SCARF2: variants seen among roughly 807,000 people sequenced by gnomAD.
SCARF2 encodes the protein scavenger receptor expressed by endothelial cells 2 protein.
Under a neutral mutation model 73.4 loss-of-function variants are expected in SCARF2, and 39 were observed. The observed-to-expected ratio is 0.53, with a 90% CI of 0.41 to 0.69. The LOEUF is 0.69. Among genes scored for constraint, SCARF2 ranks in the 30% least tolerant of loss-of-function variants. The pLI is 0.00. For missense variants in SCARF2, 1,148 were observed against 1,303.5 expected (o/e 0.88, Z 1.84); for synonymous variants, 605 against 590.0 (o/e 1.03, Z -0.37).
At position 20,427,448 on chromosome 22, in the gene SCARF2, GAGA is replaced by G; in HGVS notation, c.1640_1642del (p.Phe547del). 1.2e-6 allele frequency: 2 copies of G among 1,614,214 alleles called. No individual in the cohort carries two copies. The highest frequency in any genetic ancestry group is 2.2e-5 in the East Asian group (1 of 44,890). On this transcript the variant is annotated inframe_deletion, in exon 10 of 11. Coordinates refer to ENST00000622235, the MANE Select transcript of SCARF2 (RefSeq NM_182895.5). ...GCCTTCATCAGTGGTGTCAAACGAG[GAGA>G]AGGAGGCCCGAGAGGACCAGGATGG... is the stretch of plus-strand genomic sequence containing the variant.
rs1173953211 is a variant in SCARF2 at position 20,425,924 on chromosome 22, C to T, written c.2052G>A (p.Pro684=). The part of the protein sequence containing the change: ...AAAAGRAPSP[P]PPGSEAAPSP... ...TGGGCGCGGCCTCGGAGCCTGGCGG[C>T]GGTGGTGAGGGCGCACGGCCAGCTG... The change falls in exon 11 of 11, where the codon CCG becomes CCA. Residue 684 remains proline (P), a synonymous_variant. Coordinates refer to ENST00000622235, the MANE Select transcript of SCARF2 (RefSeq NM_182895.5). This position sits in a 1 kb window ranked among gnomAD's most constrained non-coding sequence, Gnocchi z 4.6. 3.8e-6 allele frequency: 6 copies of T among 1,596,956 alleles called. No homozygotes were observed. The highest frequency in any genetic ancestry group is 1.1e-5 in the South Asian group (1 of 89,484).
At chr22:20,433,442 C>T (rs750413480) in intron 1 of SCARF2, among the ~76,000 whole-genome samples, 4 of 152,248 alleles carry the variant, frequency 2.6e-5, no homozygotes, top group East Asian at 1.9e-4. Context: ...AAGACCCTAG[C>T]GGGATGGGAT....
chr22:20,425,717 G>T lies in SCARF2; in HGVS notation c.2259C>A (p.Pro753=). ...TTCGCGGGGGACCGCCGGCGTCCGT[G>T]GGCTCCAAGAGGCCGGGGCCGCGGC... The part of the protein sequence containing the change: ...ARGRGPGLLE[P]TDAGGPPRSA... The change falls in exon 11 of 11, where the codon CCC becomes CCA. Residue 753 remains proline, a synonymous_variant. Coordinates refer to ENST00000622235, the MANE Select transcript of SCARF2 (RefSeq NM_182895.5). The surrounding 1 kb of genome is among the most constrained non-coding windows in gnomAD (Gnocchi z 4.6). The T allele has an allele frequency of 8.2e-7, 1 of 1,226,980 alleles. No homozygotes were observed. The highest frequency in any genetic ancestry group is 4.0e-5 in the South Asian group (1 of 25,262). 76.0% of individuals were successfully genotyped at this position (1,226,980 alleles called of 1,614,324 possible). A position where few individuals can be genotyped will look rare whatever the true frequency, so the allele number is the denominator to read the frequency against.
At position 20,425,392 on chromosome 22, in the gene SCARF2, C is replaced by A; in HGVS notation, c.2584G>T (p.Gly862Cys). ...ACAGCCTGCTACAGGGTGGGTGCGC[C>A]CGCCCTGCCCAGCTCGCCCGCCGCC... ...REAAGELGRA[G>C]APTL Residue 862 changes from glycine (G) to cysteine (C), a missense_variant, in exon 11 of 11, where the codon GGC (glycine) becomes TGC (cysteine). Coordinates refer to ENST00000622235, the MANE Select transcript of SCARF2 (RefSeq NM_182895.5). The surrounding 1 kb of genome is among the most constrained non-coding windows in gnomAD (Gnocchi z 4.6). The A allele has an allele frequency of 7.0e-7, 1 of 1,423,914 alleles. No homozygotes were observed. The highest frequency in any genetic ancestry group is 1.4e-5 in the South Asian group (1 of 69,862). The allele number at this position is 1,423,914 out of a possible 1,614,324, so 88.2% of individuals were successfully genotyped here.
In SCARF2 at chr22:20,430,574, G is replaced by C; in HGVS notation, c.1074-17C>G. 1.2e-6 allele frequency: 2 copies of C among 1,612,036 alleles called. No individual in the cohort carries two copies. The highest frequency in any genetic ancestry group is 1.7e-6 in the Non-Finnish European group (2 of 1,179,402). The stretch of plus-strand genomic sequence containing the variant: ...GTCTCGCACCTTGGAAAGAGGGGAG[G>C]AGGCGTCAGCAGAAATGGAGGCAAA... On this transcript the variant is annotated splice_polypyrimidine_tract_variant and intron_variant, in intron 5 of 10. Transcript: ENST00000622235.
At chr22:20,437,237 G>A (rs2052710382) in intron 1 of SCARF2, among the ~76,000 whole-genome samples, 1 of 152,218 alleles carries the variant, frequency 6.6e-6, no homozygotes. Flanking sequence ...CAGTTCCTTT[G>A]GCTTGAATGC....
Position 20,425,109 on chromosome 22 carries a change from G to A in SCARF2, c.*266C>T. The A allele has an allele frequency of 5.2e-6, 2 of 383,434 alleles. No homozygotes were observed. The highest frequency in any genetic ancestry group is 9.2e-6 in the Non-Finnish European group (2 of 216,518). 23.8% of individuals were successfully genotyped at this position (383,434 alleles called of 1,614,324 possible). A position where few individuals can be genotyped will look rare whatever the true frequency, so the allele number is the denominator to read the frequency against. On this transcript the variant is annotated 3_prime_UTR_variant, in exon 11 of 11. Transcript: ENST00000622235. The surrounding 1 kb of genome is among the most constrained non-coding windows in gnomAD (Gnocchi z 4.6). ...TTGGCCAATGAGACGCTGTCTGGTC[G>A]GAGCGCTCCATAACTCGGCCAATGG...
intron 9 of SCARF2, among the ~76,000 whole-genome samples, chr22:20,427,887 C>G (rs1207572771): frequency 6.6e-6 from 1 of 152,220 alleles, no homozygotes; most frequent in East Asian, 1.9e-4. Flanking sequence ...GACAGGCCAC[C>G]AAGGCCTCCA....
Position 20,429,094 on chromosome 22 carries a change from C to T in SCARF2, c.1540+131G>A, listed in dbSNP as rs2052611779. 4.8e-6 allele frequency: 6 copies of T among 1,238,158 alleles called. No homozygotes were observed. The highest frequency in any genetic ancestry group is 4.9e-5 in the East Asian group (2 of 40,586). 76.7% of individuals were successfully genotyped at this position (1,238,158 alleles called of 1,614,324 possible). ...TACCTTCCCTCTGGTCGCACCTCCTCGCGCCCACGCACATCAACACTCAAG... is the reference window on the plus strand; with the variant it reads ...TACCTTCCCTCTGGTCGCACCTCCTTGCGCCCACGCACATCAACACTCAAG... On this transcript the variant is annotated intron_variant, in intron 9 of 10. Transcript: ENST00000622235. The surrounding 1 kb of genome is among the most constrained non-coding windows in gnomAD (Gnocchi z 5.2).
At chr22:20,426,387 C>T in intron 10 of SCARF2, 105 bp from the exon 11 acceptor site, 2 of 1,277,534 alleles carry the variant, frequency 1.6e-6, no homozygotes, top group Non-Finnish European at 2.1e-6. Context: ...ACGCCCTTGG[C>T]ACTGTGTCAC....
rs766692808 is a variant in SCARF2 at position 20,429,514 on chromosome 22, G to A, written c.1424+22C>T. ...GGGTGCGGCCTGAACCCAGGCGAAA[G>A]CGGGGCAGTATCTGGGCTCACCGGC... is the stretch of plus-strand genomic sequence containing the variant. On this transcript the variant is annotated intron_variant, in intron 8 of 10. Coordinates refer to ENST00000622235, the MANE Select transcript of SCARF2 (RefSeq NM_182895.5). The surrounding 1 kb of genome is among the most constrained non-coding windows in gnomAD (Gnocchi z 5.2). 1.9e-6 allele frequency: 3 copies of A among 1,610,766 alleles called. No individual in the cohort carries two copies. Among genetic ancestry groups the A allele is most frequent in the African/African-American group, 2.7e-5 (2 of 74,880 alleles).
chr22:20,425,533 C>A lies in SCARF2; in HGVS notation c.2443G>T (p.Ala815Ser), dbSNP rs1403325661. The A allele has an allele frequency of 1.5e-6, 2 of 1,338,746 alleles. No individual in the cohort carries two copies. Among genetic ancestry groups the A allele is most frequent in the Admixed American group, 3.7e-5 (1 of 26,732 alleles). 82.9% of individuals were successfully genotyped at this position (1,338,746 alleles called of 1,614,324 possible). A position where few individuals can be genotyped will look rare whatever the true frequency, so the allele number is the denominator to read the frequency against. ...CCCGGGGTTTCGGTCGCTGGGGGCG[C>A]GCGGGCGGGCGAGGCTGGCGGCACG... ...RSVPPASPARAPPATETPGPE... is the reference protein window; with the variant it reads ...RSVPPASPARSPPATETPGPE... The change falls in exon 11 of 11, where the codon GCG becomes TCG. Residue 815 changes from alanine to serine, a missense_variant. Ala to Ser is a moderately conservative substitution (Grantham distance 99). This residue lies in a region of SCARF2 where 169 missense variants were observed against 136.9 expected (regional missense o/e 1.23). Coordinates refer to ENST00000622235, the MANE Select transcript of SCARF2 (RefSeq NM_182895.5). The surrounding 1 kb of genome is among the most constrained non-coding windows in gnomAD (Gnocchi z 4.6).
At chr22:20,436,996 G>A (rs925412466) in intron 1 of SCARF2, among the ~76,000 whole-genome samples, 4 of 152,140 alleles carry the variant, frequency 2.6e-5, no homozygotes, top group African/African-American at 9.7e-5. Context: ...GGTCCCCTGT[G>A]CCTGTCATAG....
Position 20,426,213 on chromosome 22 carries a change from A to G in SCARF2, c.1763T>C (p.Val588Ala). 1.3e-6 allele frequency: 2 copies of G among 1,532,180 alleles called. No homozygotes were observed. The highest frequency in any genetic ancestry group is 1.4e-5 in the African/African-American group (1 of 73,312). The allele number at this position is 1,532,180 out of a possible 1,614,324, so 94.9% of individuals were successfully genotyped here. Reference sequence around the variant, plus strand: ...GGCGGAGGCTGGCGTGGTCAAGGGCACAGGGGACGGCGCCGGCGCCTCGGC... The same window carrying G: ...GGCGGAGGCTGGCGTGGTCAAGGGCGCAGGGGACGGCGCCGGCGCCTCGGC... ...VPAEAPAPSP[V>A]PLTTPASAEE... is the part of the protein sequence containing the mutation. The change falls in exon 11 of 11, where the codon GTG becomes GCG. Residue 588 changes from valine to alanine, a missense_variant. Physicochemically the swap from Val to Ala is moderately conservative, Grantham distance 64 (BLOSUM62 0). Around this residue, in one of 5 missense-constraint regions of SCARF2, gnomAD observed 437 missense variants for 433.6 expected, o/e 1.01. Coordinates refer to ENST00000622235, the MANE Select transcript of SCARF2 (RefSeq NM_182895.5).
intron 1 of SCARF2, 84 bp downstream of exon 1, chr22:20,437,498 T>C: frequency 7.1e-7 from 1 of 1,403,874 alleles, no homozygotes; most frequent in Non-Finnish European, 9.6e-7. Context: ...AAGGTTCCGG[T>C]AGCCCCCTCC....
Position 20,429,741 on chromosome 22 carries a change from G to C in SCARF2, c.1295C>G (p.Ala432Gly). 6.2e-7 allele frequency: 1 copy of C among 1,613,844 alleles called. No individual in the cohort carries two copies. The highest frequency in any genetic ancestry group is 8.5e-7 in the Non-Finnish European group (1 of 1,179,948). ...CCTCATCCACTTACCTAGGTGGCAG[G>C]CACCAGTGACCGGGTCGCACGTGTC... ...HEDTCDPVTG[A>G]CHLETNQRKG... Residue 432 changes from alanine to glycine, a missense_variant, in exon 7 of 11, where the codon GCC (alanine) becomes GGC (glycine). Physicochemically the swap from Ala to Gly is moderately conservative, Grantham distance 60. Around this residue, in one of 5 missense-constraint regions of SCARF2, gnomAD observed 372 missense variants for 532.0 expected, o/e 0.70. Coordinates refer to ENST00000622235, the MANE Select transcript of SCARF2 (RefSeq NM_182895.5). The surrounding 1 kb of genome is among the most constrained non-coding windows in gnomAD (Gnocchi z 5.2).
chr22:20,427,256 G>A, intron 10 of SCARF2, 142 bp downstream of exon 10: 1 of 1,035,148 alleles, frequency 9.7e-7, no homozygotes, highest in Non-Finnish European at 1.4e-6. Context: ...CCTCAGCTCT[G>A]TGGGCAACCC....
At chr22:20,427,588 C>G (rs2052594717) in intron 9 of SCARF2, 38 bp from the exon 10 acceptor site, 1 of 1,607,840 alleles carries the variant, frequency 6.2e-7, no homozygotes, top group African/African-American at 1.3e-5. Context: ...GGGGTCCACT[C>G]TGCCCCAGCC....
In SCARF2 at chr22:20,431,372, C is replaced by T; in HGVS notation, c.500G>A (p.Ser167Asn). Reference sequence around the variant, plus strand: ...GCCGGGCTCACAGCGGCACGCGCCGCTCCGCGGGTGGCACGTGCCGTGCTG... The same window carrying T: ...GCCGGGCTCACAGCGGCACGCGCCGTTCCGCGGGTGGCACGTGCCGTGCTG... Reference protein sequence around the residue: ...QCQHGTCHPRSGACRCEPGWW... With the variant: ...QCQHGTCHPRNGACRCEPGWW... The change falls in exon 4 of 11, where the codon AGC becomes AAC. Residue 167 changes from serine (S) to asparagine (N), a missense_variant. Physicochemically the swap from Ser to Asn is conservative, Grantham distance 46. This residue lies in a region of SCARF2 where 372 missense variants were observed against 532.0 expected (regional missense o/e 0.70). Coordinates refer to ENST00000622235, the MANE Select transcript of SCARF2 (RefSeq NM_182895.5). 6.6e-7 allele frequency: 1 copy of T among 1,518,782 alleles called. No homozygotes were observed. The highest frequency in any genetic ancestry group is 8.8e-7 in the Non-Finnish European group (1 of 1,140,096). The allele number at this position is 1,518,782 out of a possible 1,614,324, so 94.1% of individuals were successfully genotyped here.
Sources: allele counts gnomAD v4.1 joint callset (sites outside exome capture counted in the v4.1 genomes callset), GRCh38; gene constraint gnomAD v4.1.1; regional missense constraint gnomAD v4.1.1; non-coding constraint Gnocchi (gnomAD v3.1); transcripts MANE v1.5; gene names NCBI Gene and HGNC (gene_info 2026-07-23, HGNC 2026-07-21).